The following USP50 variants were observed in gnomAD, a reference collection of about 807,000 sequenced individuals.
USP50 encodes the protein ubiquitin specific peptidase 50, also known as ubiquitin carboxyl-terminal hydrolase 50.
In USP50, 37 loss-of-function variants were observed where a neutral mutation model predicts 39.2. The ratio of observed to expected loss-of-function variants is 0.94; its 90% CI spans 0.73 to 1.24. USP50 has a LOEUF of 1.24. USP50 is among the 50% of genes most tolerant of loss of function. The pLI, the probability that USP50 is intolerant of heterozygous loss-of-function variation, is 0.00. For missense variants in USP50, 374 were observed against 398.2 expected (o/e 0.94, Z 0.52); for synonymous variants, 139 against 144.5 (o/e 0.96, Z 0.27).
chr15:50,529,857 G>T lies in USP50; in HGVS notation c.876C>A (p.Leu292=), dbSNP rs1289808544. The T allele has an allele frequency of 2.5e-6, 4 of 1,613,864 alleles. No individual in the cohort carries two copies. In the African/African-American group the frequency reaches 5.3e-5, roughly 22 times the overall value. The change falls in exon 6 of 7, where the codon CTC becomes CTA. Residue 292 remains leucine, a synonymous_variant. Coordinates refer to ENST00000532404, the MANE Select transcript of USP50 (RefSeq NM_203494.5). ...GGAAAATTGAGCAAATATAAGGAGT[G>T]AGGTCCAAGTTAGTGAGTGGGTAAT... The part of the protein sequence containing the change: ...DIHYPLTNLD[L]TPYICSIFRK...
At chr15:50,524,340 AAAG>A (rs2052872112) in intron 6 of USP50, among the ~76,000 whole-genome samples, 2 of 152,368 alleles carry the variant, frequency 1.3e-5, no homozygotes, top group African/African-American at 4.8e-5. Flanking sequence ...GAGATAACAC[AAAG>A]AATAGGTGAA....
At chr15:50,517,805 A>G (rs1432724820) in intron 6 of USP50, among the ~76,000 whole-genome samples, 1 of 151,896 alleles carries the variant, frequency 6.6e-6, no homozygotes, top group Admixed American at 6.6e-5. Context: ...TGCAGCCTCA[A>G]CCTCCTGGGT....
intron 6 of USP50, chr15:50,505,230 T>A (rs2052642860): frequency 6.6e-6 from 1 of 151,754 alleles, no homozygotes. Flanking sequence ...CAGGGATAAA[T>A]AAAAATAATA....
intron 2 of USP50, chr15:50,544,082 C>A (rs556943880): frequency 2.6e-6 from 1 of 384,052 alleles, no homozygotes; most frequent in South Asian, 3.0e-5. Flanking sequence ...AATGCCAGCA[C>A]TTTGGGGGGC....
chr15:50,511,182 C>T (rs1024590206), intron 6 of USP50: 8 of 152,172 alleles, frequency 5.3e-5, no homozygotes, highest in Admixed American at 1.3e-4. Flanking sequence ...TGCTCAACAT[C>T]ATTAGTCATT....
intron 6 of USP50, among the ~76,000 whole-genome samples, chr15:50,526,215 T>C (rs1030105285): frequency 6.6e-6 from 1 of 152,110 alleles, no homozygotes; most frequent in African/African-American, 2.4e-5. Context: ...TGCACCACCA[T>C]GCTCTGCTAA....
At chr15:50,543,487 G>GT in intron 3 of USP50, 111 bp downstream of exon 3, 1 of 1,084,574 alleles carries the variant, frequency 9.2e-7, no homozygotes, top group Non-Finnish European at 1.3e-6. Context: ...ACCTAGCACA[G>GT]TGCTTGGCAC....
At chr15:50,534,146 A>T (rs572838523) in intron 5 of USP50, among the ~76,000 whole-genome samples, 2 of 152,338 alleles carry the variant, frequency 1.3e-5, no homozygotes, top group South Asian at 4.1e-4. Flanking sequence ...ATAACAGTTT[A>T]TTCAAAACAA....
In USP50 at chr15:50,500,778, G is replaced by T; in HGVS notation, c.996C>A (p.Thr332=). ...HYTAFCKNSV[T]QA ...TGTTATCAAAGCTATATCAGGCCTG[G>T]GTGACTGAATTCTTGCAGAAAGCAG... The change falls in exon 7 of 7, where the codon ACC becomes ACA. Residue 332 remains threonine (T), a synonymous_variant. Coordinates refer to ENST00000532404, the MANE Select transcript of USP50 (RefSeq NM_203494.5). 6.3e-7 allele frequency: 1 copy of T among 1,588,704 alleles called. No individual in the cohort carries two copies. Among genetic ancestry groups the T allele is most frequent in the East Asian group, 2.3e-5 (1 of 44,124 alleles).
chr15:50,519,710 G>T (rs116657510), intron 6 of USP50, among the ~76,000 whole-genome samples: 2,240 of 149,104 alleles, frequency 0.015, 57 homozygotes, highest in African/African-American at 0.052. Context: ...GCGAGACTCC[G>T]TCTCTTAAAA....
At chr15:50,495,858 G>A (rs772845486), downstream of USP50, 7 of 1,611,114 alleles carry the variant, frequency 4.3e-6, no homozygotes, top group South Asian at 1.1e-5. Context: ...GCTGATAATC[G>A]GAAGAGATAT....
At chr15:50,541,425 A>T (rs2053029353) in intron 3 of USP50, among the ~76,000 whole-genome samples, 161 bp from the exon 4 acceptor site, 1 of 152,078 alleles carries the variant, frequency 6.6e-6, no homozygotes, top group Non-Finnish European at 1.5e-5. Flanking sequence ...AGGTTGGAGG[A>T]TCAGTTGAGC....
In USP50 at chr15:50,495,486, AG is replaced by A. The variant is rs553634288; in HGVS notation, n.185-1357del. Among the ~76,000 whole-genome samples, 18 of 106,838 alleles carry A rather than the reference AG, an allele frequency of 1.7e-4. 1 individual carries two copies. Among genetic ancestry groups the A allele is most frequent in the South Asian group, 1.1e-3 (3 of 2,804 alleles). The allele number at this position is 106,838 out of a possible 152,430, so 70.1% of individuals were successfully genotyped here. On this transcript the variant is annotated intron_variant and non_coding_transcript_variant, in intron 1 of 1. Transcript: ENST00000560159. Reference sequence around the variant, plus strand: ...TTTTTCTTTTTTTAGTAGAGATTGGAGGGGGGGGTCTCACTATGTTGCACAA... The same window carrying A: ...TTTTTCTTTTTTTAGTAGAGATTGGAGGGGGGGTCTCACTATGTTGCACAA...
At chr15:50,529,674 T>TGA (rs2052924696) in intron 6 of USP50, 123 bp downstream of exon 6, 10 of 1,066,548 alleles carry the variant, frequency 9.4e-6, no homozygotes, top group Non-Finnish European at 1.3e-5. Context: ...GAGAGTTTCC[T>TGA]GGTCTATATT....
chr15:50,527,216 T>C (rs111288242), intron 6 of USP50, among the ~76,000 whole-genome samples: 28,696 of 152,060 alleles, frequency 0.19, 2,964 homozygotes, highest in Admixed American at 0.29. Context: ...TTTTTTTTCT[T>C]TTTTCTGAGA....
At chr15:50,537,103 T>C (rs2052985562) in intron 5 of USP50, among the ~76,000 whole-genome samples, 1 of 151,546 alleles carries the variant, frequency 6.6e-6, no homozygotes, top group Non-Finnish European at 1.5e-5. Context: ...AAAATAATGG[T>C]ATAGACAAGA....
chr15:50,497,492 G>T (rs2052461737), downstream of USP50: 1 of 296,382 alleles, frequency 3.4e-6, no homozygotes, highest in Non-Finnish European at 6.1e-6. Context: ...AAGTGAAAAT[G>T]TATAAAAATA....
downstream of USP50, chr15:50,500,034 A>AATTT (rs1477372416): frequency 2.0e-5 from 3 of 152,154 alleles, no homozygotes. Flanking sequence ...AGGAGCTTAT[A>AATTT]ATTTATTTAA....
downstream of USP50, chr15:50,498,354 C>T (rs2052493667): frequency 4.8e-6 from 2 of 413,454 alleles, no homozygotes; most frequent in Non-Finnish European, 8.5e-6. Context: ...TATAGTCCTA[C>T]CTCTACCATT....
Sources: allele counts gnomAD v4.1 joint callset (sites outside exome capture counted in the v4.1 genomes callset), GRCh38; gene constraint gnomAD v4.1.1; transcripts MANE v1.5; gene names NCBI Gene and HGNC (gene_info 2026-07-23, HGNC 2026-07-21).